The following TPRG1 variants were observed in gnomAD, a reference collection of about 807,000 sequenced individuals.
TPRG1 encodes the protein tumor protein p63-regulated gene 1 protein.
TPRG1 carries 29 observed loss-of-function variants against 29.3 expected under a neutral mutation model. The ratio of observed to expected loss-of-function variants is 0.99; its 90% CI spans 0.74 to 1.35. TPRG1 has a LOEUF of 1.35. Among genes scored for constraint, TPRG1 ranks in the 40% most tolerant of loss-of-function variants. The pLI is 0.00. For synonymous variants in TPRG1, 130 were observed against 116.8 expected (o/e 1.11, Z -0.73); for missense variants, 327 against 335.0 (o/e 0.98, Z 0.19).
intron 4 of TPRG1, chr3:189,240,413 C>A (rs1740350810): frequency 6.6e-6 from 1 of 152,080 alleles, no homozygotes; most frequent in African/African-American, 2.4e-5. Flanking sequence ...ATAAAAAGTT[C>A]TGTATTAGTC....
intron 4 of TPRG1, among the ~76,000 whole-genome samples, chr3:189,087,792 G>A (rs1208853731): frequency 1.3e-5 from 2 of 152,110 alleles, no homozygotes; most frequent in African/African-American, 2.4e-5. Context: ...GTTTTTGTAA[G>A]GTTTGTCAAA....
At chr3:189,241,036 T>C (rs1200484371) in intron 4 of TPRG1, among the ~76,000 whole-genome samples, 4 of 152,216 alleles carry the variant, frequency 2.6e-5, no homozygotes, top group Non-Finnish European at 5.9e-5. Flanking sequence ...CCGTTGCTAC[T>C]ACAAAGTGCT....
At chr3:189,177,438 A>G (rs964168800) in intron 1 of TPRG1, among the ~76,000 whole-genome samples, 2 of 151,434 alleles carry the variant, frequency 1.3e-5, no homozygotes, top group Admixed American at 6.6e-5. Flanking sequence ...ATATATGTAT[A>G]CATATATATG....
At position 189,155,685 on chromosome 3, in the gene TPRG1, C is replaced by A. The variant is rs539059139; in HGVS notation, c.-10+4813C>A. 4.6e-5 allele frequency among the ~76,000 whole-genome samples: 7 copies of A among 152,288 alleles called. No individual in the cohort carries two copies. The East Asian group carries it at 9.6e-4, about 21-fold the overall frequency. On this transcript the variant is annotated intron_variant, in intron 5 of 6. Transcript: ENST00000412373. ...AAGAGTAAAATCCTGTCATTTGTGA[C>A]AACATAGATGAACACAGAGGACATT...
chr3:189,212,973 C>T (rs1410995309), intron 2 of TPRG1, among the ~76,000 whole-genome samples: 1 of 152,148 alleles, frequency 6.6e-6, no homozygotes, highest in African/African-American at 2.4e-5. Context: ...CTGTAAAAGA[C>T]AATATTGCCT....
At chr3:189,169,835 G>GC (rs1728599145), upstream of TPRG1, among the ~76,000 whole-genome samples, 2 of 152,162 alleles carry the variant, frequency 1.3e-5, no homozygotes, top group African/African-American at 4.8e-5. Flanking sequence ...TAAGCTACTT[G>GC]CCTCTGATCC....
chr3:189,237,906 G>GTA (rs1272528597), intron 3 of TPRG1, among the ~76,000 whole-genome samples: 1 of 152,176 alleles, frequency 6.6e-6, no homozygotes, highest in Non-Finnish European at 1.5e-5. Context: ...TCGAAGTGCT[G>GTA]TATCCTAAAG....
chr3:189,163,535 G>A (rs376319961), intron 5 of TPRG1, among the ~76,000 whole-genome samples: 98 of 152,170 alleles, frequency 6.4e-4, no homozygotes, highest in African/African-American at 2.2e-3. Context: ...ATGATTTACC[G>A]GTTTTAGGCT....
chr3:189,295,913 T>TAAAA (rs55666008), intron 4 of TPRG1, among the ~76,000 whole-genome samples: 3 of 97,242 alleles, frequency 3.1e-5, no homozygotes, highest in African/African-American at 5.1e-5. Context: ...AATGATGCTT[T>TAAAA]AAAAAAAAAA....
rs1419720477 is a variant in TPRG1, at chr3:189,215,395, C to T, written c.302+12C>T. On this transcript the variant is annotated intron_variant, in intron 3 of 5. Coordinates refer to ENST00000345063, the MANE Select transcript of TPRG1 (RefSeq NM_198485.4). ...TGGCTCTTGACAAAGTGAGTAGTCA[C>T]AGCTAAGTGAAGGGCCGTGGAAATA... 1.9e-6 allele frequency: 3 copies of T among 1,606,684 alleles called. 1 individual carries two copies. The South Asian group carries it at 3.3e-5, about 18-fold the overall frequency.
chr3:189,028,876 T>C (rs1335065197), intron 4 of TPRG1, among the ~76,000 whole-genome samples: 1 of 152,136 alleles, frequency 6.6e-6, no homozygotes, highest in Non-Finnish European at 1.5e-5. Context: ...CTGACAAATG[T>C]ATGACTACAG....
At chr3:189,051,450 A>C (rs1392211042) in intron 4 of TPRG1, among the ~76,000 whole-genome samples, 3 of 152,212 alleles carry the variant, frequency 2.0e-5, no homozygotes, top group African/African-American at 7.2e-5. Context: ...CATAGATGAC[A>C]CAAACAAATG....
At position 189,012,685 on chromosome 3, in the gene TPRG1, C is replaced by G. The variant is rs1309313831; in HGVS notation, c.-660+7925C>G. ...CTCAATTTCAGAACTCATTATTGGTCTATTCATGGATTCAATTTCTTTCTG... is the reference window on the plus strand; with the variant it reads ...CTCAATTTCAGAACTCATTATTGGTGTATTCATGGATTCAATTTCTTTCTG... On this transcript the variant is annotated intron_variant, in intron 3 of 10. Coordinates refer to the TPRG1 transcript ENST00000433971. Among the ~76,000 whole-genome samples, 6 of 152,196 alleles carry G rather than the reference C, an allele frequency of 3.9e-5. No homozygotes were observed. The East Asian group carries it at 1.2e-3, about 29-fold the overall frequency.
At chr3:189,211,029 A>G (rs947640931) in intron 2 of TPRG1, among the ~76,000 whole-genome samples, 1 of 152,180 alleles carries the variant, frequency 6.6e-6, no homozygotes, top group Non-Finnish European at 1.5e-5. Flanking sequence ...AATAAAGATT[A>G]TCACTGCCCA....
At chr3:189,011,231 G>T (rs1395864931) in intron 3 of TPRG1, among the ~76,000 whole-genome samples, 1 of 152,108 alleles carries the variant, frequency 6.6e-6, no homozygotes, top group Non-Finnish European at 1.5e-5. Flanking sequence ...GCTTATGATT[G>T]CCTTGTCTAA....
chr3:189,293,611 C>G (rs566495666), intron 4 of TPRG1, among the ~76,000 whole-genome samples: 11 of 152,200 alleles, frequency 7.2e-5, no homozygotes, highest in Non-Finnish European at 1.3e-4. Flanking sequence ...TGTCTTCTCA[C>G]TCATCAAGGA....
chr3:189,176,558 A>G (rs942276957), intron 1 of TPRG1, among the ~76,000 whole-genome samples: 7 of 152,234 alleles, frequency 4.6e-5, no homozygotes, highest in Non-Finnish European at 1.0e-4. Context: ...TATGGAGAAC[A>G]ATAGAACAGA....
intron 4 of TPRG1, among the ~76,000 whole-genome samples, chr3:189,090,949 A>G (rs1718298146): frequency 6.6e-6 from 1 of 152,106 alleles, no homozygotes; most frequent in South Asian, 2.1e-4. Context: ...AAAGAATGTT[A>G]TTTGCTCTGA....
intron 3 of TPRG1, among the ~76,000 whole-genome samples, chr3:189,221,962 C>T (rs376215531): frequency 4.0e-5 from 5 of 125,462 alleles, no homozygotes; most frequent in African/African-American, 1.5e-4. Context: ...GCTTTTGCTG[C>T]CTTTTGTGAT....
Sources: gnomAD v4.1 joint callset for allele counts (sites outside exome capture counted in the v4.1 genomes callset) on GRCh38, gnomAD v4.1.1 for gene constraint, MANE v1.5 for transcripts, NCBI Gene and HGNC (gene_info 2026-07-23, HGNC 2026-07-21) for gene names.